The following ADH1A variants were observed in gnomAD, a reference collection of about 807,000 sequenced individuals.
ADH1A encodes the protein alcohol dehydrogenase 1A.
In ADH1A, 29 loss-of-function variants were observed where a neutral mutation model predicts 35.2. The ratio of observed to expected loss-of-function variants is 0.82; its 90% CI spans 0.61 to 1.12. The LOEUF is 1.12. Among genes scored for constraint, ADH1A ranks in the 50% most tolerant of loss-of-function variants. ADH1A has a pLI of 0.00. For missense variants in ADH1A, 469 were observed against 464.7 expected (o/e 1.01, Z -0.09); for synonymous variants, 147 against 164.8 (o/e 0.89, Z 0.83).
At position 99,282,427 on chromosome 4, in the gene ADH1A, T is replaced by C. The variant is rs754394783; in HGVS notation, c.747A>G (p.Lys249=). The C allele has an allele frequency of 6.2e-7, 1 of 1,613,974 alleles. No individual in the cohort carries two copies. Among genetic ancestry groups the C allele is most frequent in the Non-Finnish European group, 8.5e-7 (1 of 1,179,986 alleles). The change falls in exon 6 of 9, where the codon AAA becomes AAG. Residue 249 remains lysine, a synonymous_variant. Transcript: ENST00000209668. ...TECINPQDYK[K]PIQEVLKEMT... ...TTTCCTTTAGCACCTCCTGGATGGG[T>C]TTCTTGTAGTCTTGAGGGTTGATGC...
intron 6 of ADH1A, among the ~76,000 whole-genome samples, chr4:99,280,715 A>G (rs190662513): frequency 7.9e-5 from 12 of 152,312 alleles, no homozygotes; most frequent in African/African-American, 2.2e-4. Context: ...AAGATAAATG[A>G]TTATATCACC....
At chr4:99,286,747 C>T (rs933272036) in intron 3 of ADH1A, 103 bp downstream of exon 3, 3 of 1,545,002 alleles carry the variant, frequency 1.9e-6, no homozygotes, top group Admixed American at 3.9e-5. Flanking sequence ...TGCGCGGTGA[C>T]CTTGGTCAAG....
chr4:99,279,603 G>C, intron 7 of ADH1A, 39 bp from the exon 8 acceptor site: 1 of 1,576,420 alleles, frequency 6.3e-7, no homozygotes, highest in South Asian at 1.2e-5. Context: ...TTCAACCAGG[G>C]TAAGTAGGAG....
chr4:99,286,934 C>A lies in ADH1A; in HGVS notation c.175G>T (p.Val59Leu). Residue 59 changes from valine to leucine, a missense_variant, in exon 3 of 9, where the codon GTG becomes TTG. Val to Leu is a conservative substitution (Grantham distance 32). Coordinates refer to ENST00000209668, the MANE Select transcript of ADH1A (RefSeq NM_000667.4). ...CCTAAAATCACAGGAAGTGGGGTCA[C>A]CATGGTACCACTAACCACGTGGTCA... ...TDDHVVSGTM[V>L]TPLPVILGHE... The A allele has an allele frequency of 6.2e-7, 1 of 1,614,158 alleles. No homozygotes were observed. Among genetic ancestry groups the A allele is most frequent in the Non-Finnish European group, 8.5e-7 (1 of 1,180,016 alleles).
chr4:99,277,013 C>A (rs1732885976), intron 8 of ADH1A, among the ~76,000 whole-genome samples: 1 of 152,068 alleles, frequency 6.6e-6, no homozygotes, highest in Non-Finnish European at 1.5e-5. Flanking sequence ...ATTCTTCATG[C>A]ATTTTCTGTC....
At chr4:99,281,718 TTTGAAATTTGGGGGGTGATAAAAATCTG>T (rs141869041) in intron 6 of ADH1A, 2,793 of 162,204 alleles carry the variant, frequency 0.017, 89 homozygotes, top group African/African-American at 0.063. Flanking sequence ...AGTATATAGC[TTTGAAATTTGGGGGGTGATAAAAATCTG>T]TTGACTTTTC....
At chr4:99,283,033 A>G (rs1269811158) in intron 5 of ADH1A, among the ~76,000 whole-genome samples, 6 of 152,238 alleles carry the variant, frequency 3.9e-5, no homozygotes, top group Non-Finnish European at 7.3e-5. Context: ...ACACAAAGGC[A>G]ATATTTGGAA....
chr4:99,279,678 G>C, intron 7 of ADH1A, 114 bp from the exon 8 acceptor site: 5 of 1,291,592 alleles, frequency 3.9e-6, no homozygotes, highest in African/African-American at 1.5e-5. Flanking sequence ...AGACTGCAAC[G>C]ACTGAGGTTA....
intron 8 of ADH1A, among the ~76,000 whole-genome samples, chr4:99,278,784 T>A (rs1006541358): frequency 6.6e-6 from 1 of 152,130 alleles, no homozygotes; most frequent in South Asian, 2.1e-4. Flanking sequence ...TTGTGAGAGT[T>A]AAGTGTTAGA....
chr4:99,287,403 CTGTG>C (rs1733179609), intron 2 of ADH1A, among the ~76,000 whole-genome samples, 157 bp downstream of exon 2: 1 of 152,190 alleles, frequency 6.6e-6, no homozygotes, highest in Non-Finnish European at 1.5e-5. Flanking sequence ...TGGAATTACA[CTGTG>C]TGCACTTTTT....
chr4:99,289,968 CAG>C lies in ADH1A; in HGVS notation c.18+927_18+928del, dbSNP rs1579496507. 1.3e-5 allele frequency among the ~76,000 whole-genome samples: 2 copies of C among 152,112 alleles called. 1 individual carries two copies. The highest frequency in any genetic ancestry group is 4.1e-4 in the South Asian group (2 of 4,826). ...TTATTGATATGAACCTGTTTTGTCA[CAG>C]AGTGTATAGAGAAGCCTCAGAGCCT... On this transcript the variant is annotated intron_variant, in intron 1 of 8. Coordinates refer to ENST00000209668, the MANE Select transcript of ADH1A (RefSeq NM_000667.4).
At chr4:99,280,394 T>G (rs968931987) in intron 6 of ADH1A, 115 bp from the exon 7 acceptor site, 11 of 1,530,060 alleles carry the variant, frequency 7.2e-6, no homozygotes, top group Non-Finnish European at 9.8e-6. Context: ...AGGGAAGAGA[T>G]TATGTCTTTT....
At chr4:99,281,548 G>T (rs12504321) in intron 6 of ADH1A, among the ~76,000 whole-genome samples, 17,442 of 152,116 alleles carry the variant, frequency 0.11, 1,311 homozygotes, top group Admixed American at 0.24. Context: ...TGAGGCTGTA[G>T]TGAGTTATAA....
chr4:99,282,540 A>G lies in ADH1A; in HGVS notation c.634T>C (p.Cys212Arg). 1 of 1,614,222 alleles carries G rather than the reference A, an allele frequency of 6.2e-7. No individual in the cohort carries two copies. Among genetic ancestry groups the G allele is most frequent in the Non-Finnish European group, 8.5e-7 (1 of 1,180,042 alleles). Residue 212 changes from cysteine to arginine, a missense_variant, in exon 6 of 9, where the codon TGT (cysteine) becomes CGT (arginine). By Grantham distance (180) the Cys-to-Arg change is radical (BLOSUM62 -3). Transcript: ENST00000209668. ...ATTCTGGCTGCCCCAGCTGCTTTACAGCCCATAATAGCAGATAGGCCGACC... is the reference window on the plus strand; with the variant it reads ...ATTCTGGCTGCCCCAGCTGCTTTACGGCCCATAATAGCAGATAGGCCGACC... ...GGVGLSAIMG[C>R]KAAGAARIIA...
intron 8 of ADH1A, among the ~76,000 whole-genome samples, chr4:99,279,207 T>C (rs1732936965): frequency 6.6e-6 from 1 of 152,028 alleles, no homozygotes; most frequent in Admixed American, 6.6e-5. Flanking sequence ...GTAATCAACA[T>C]AATTTGGCTT....
Position 99,286,892 on chromosome 4 carries a change from T to C in ADH1A, c.217A>G (p.Ile73Val). The C allele has an allele frequency of 6.2e-7, 1 of 1,614,210 alleles. No homozygotes were observed. Among genetic ancestry groups the C allele is most frequent in the Non-Finnish European group, 8.5e-7 (1 of 1,180,036 alleles). Residue 73 changes from isoleucine to valine, a missense_variant, in exon 3 of 9, where the codon ATC (isoleucine) becomes GTC (valine). Transcript: ENST00000209668. The stretch of plus-strand genomic sequence containing the variant: ...ACCCCTTCTCCAACACTCTCCACGA[T>C]GCCGGCTGCCTCATGGCCTAAAATC... ...PVILGHEAAG[I>V]VESVGEGVTT...
rs770109311 is a variant in ADH1A, at chr4:99,284,781, A to C, written c.282T>G (p.Ala94=). Residue 94 remains alanine (A), a synonymous_variant, in exon 4 of 9, where the codon GCT becomes GCG. Transcript: ENST00000209668. The part of the protein sequence containing the change: ...VKPGDKVIPL[A]IPQCGKCRIC... ...TTCTGCATTTTCCACACTGAGGAATAGCGAGTGGGATGACTTTATCACCTG... is the reference window on the plus strand; with the variant it reads ...TTCTGCATTTTCCACACTGAGGAATCGCGAGTGGGATGACTTTATCACCTG... The C allele has an allele frequency of 1.9e-6, 3 of 1,614,072 alleles. No homozygotes were observed. The African/African-American group carries it at 4.0e-5, about 22-fold the overall frequency.
Position 99,284,808 on chromosome 4 carries a change from A to C in ADH1A, c.260-5T>G. The C allele has an allele frequency of 6.2e-7, 1 of 1,612,314 alleles. No homozygotes were observed. Among genetic ancestry groups the C allele is most frequent in the Non-Finnish European group, 8.5e-7 (1 of 1,178,356 alleles). The stretch of plus-strand genomic sequence containing the variant: ...CGAGTGGGATGACTTTATCACCTGG[A>C]GAGGGATAAAACAAATTCTTTTACA... On this transcript the variant is annotated splice_polypyrimidine_tract_variant and splice_region_variant and intron_variant, in intron 3 of 8. Coordinates refer to ENST00000209668, the MANE Select transcript of ADH1A (RefSeq NM_000667.4).
rs1175119651 is a variant in ADH1A at position 99,290,960 on chromosome 4, T to C, written c.-46A>G. The C allele has an allele frequency of 9.3e-6, 15 of 1,611,050 alleles. No individual in the cohort carries two copies. The highest frequency in any genetic ancestry group is 1.3e-5 in the Non-Finnish European group (15 of 1,177,246). ...AGACCAGGAGACTGGTGAGTCCTTG[T>C]GGATTTCTTCCCTGCTCAAGTGCAT... On this transcript the variant is annotated 5_prime_UTR_variant, in exon 1 of 9. Transcript: ENST00000209668.
Sources: gnomAD v4.1 joint callset for allele counts (sites outside exome capture counted in the v4.1 genomes callset) on GRCh38, gnomAD v4.1.1 for gene constraint, MANE v1.5 for transcripts, NCBI Gene and HGNC (gene_info 2026-07-23, HGNC 2026-07-21) for gene names.